The following ADGRB3 variants were observed in gnomAD, a reference collection of about 807,000 sequenced individuals.
The protein encoded by ADGRB3 is adhesion G protein-coupled receptor B3, also known as brain-specific angiogenesis inhibitor 3.
In ADGRB3, 37 loss-of-function variants were observed where a neutral mutation model predicts 193.4. The ratio of observed to expected loss-of-function variants is 0.19; its 90% confidence interval spans 0.15 to 0.25. The LOEUF (loss-of-function observed/expected upper bound fraction) is 0.25. Among genes scored for constraint, ADGRB3 ranks in the 10% least tolerant of loss-of-function variants. The pLI is 1.00. For missense variants in ADGRB3, 1,637 were observed against 1,852.9 expected, an observed-to-expected ratio of 0.88 and a Z score of 2.14; for synonymous variants, 690 against 644.2, an observed-to-expected ratio of 1.07 and a Z score of -1.08.
chr6:69,076,504 T>C (rs970410690), intron 17 of ADGRB3, among the ~76,000 whole-genome samples: 4 of 152,160 alleles, frequency 2.6e-5, no homozygotes, highest in Non-Finnish European at 4.4e-5. Context: ...AAACATTGAG[T>C]GACATTTAAT....
intron 17 of ADGRB3, among the ~76,000 whole-genome samples, chr6:69,079,170 A>T: frequency 6.6e-6 from 1 of 152,064 alleles, no homozygotes; most frequent in Non-Finnish European, 1.5e-5. Flanking sequence ...TTTTACTATC[A>T]TTAGACAAAA....
intron 3 of ADGRB3, among the ~76,000 whole-genome samples, chr6:68,691,632 G>T (rs182463772): frequency 7.3e-5 from 11 of 151,668 alleles, no homozygotes; most frequent in African/African-American, 2.7e-4. Flanking sequence ...TATGATTTAA[G>T]GATAATATAT....
chr6:69,387,893 C>T (rs531916648), intron 31 of ADGRB3, among the ~76,000 whole-genome samples: 1 of 152,094 alleles, frequency 6.6e-6, no homozygotes, highest in African/African-American at 2.4e-5. Flanking sequence ...ATAATATTCT[C>T]ACTAAACATG....
At chr6:68,674,850 T>C (rs1262308099) in intron 3 of ADGRB3, among the ~76,000 whole-genome samples, 1 of 152,212 alleles carries the variant, frequency 6.6e-6, no homozygotes, top group Non-Finnish European at 1.5e-5. Flanking sequence ...AAAATGTTTC[T>C]AGTTCCAAAT....
chr6:68,834,360 T>C (rs1768008747), intron 3 of ADGRB3, among the ~76,000 whole-genome samples: 1 of 152,080 alleles, frequency 6.6e-6, no homozygotes, highest in South Asian at 2.1e-4. Flanking sequence ...AACTTTATGG[T>C]CTCCTAAGTA....
chr6:68,815,229 G>C (rs536959789), intron 3 of ADGRB3, among the ~76,000 whole-genome samples: 13 of 152,026 alleles, frequency 8.6e-5, no homozygotes, highest in Non-Finnish European at 1.6e-4. Flanking sequence ...TGTTCAATGG[G>C]GAGTTTAAAT....
At chr6:68,716,288 A>C (rs1181447154) in intron 3 of ADGRB3, among the ~76,000 whole-genome samples, 1 of 151,490 alleles carries the variant, frequency 6.6e-6, no homozygotes, top group Non-Finnish European at 1.5e-5. Flanking sequence ...TTATGTGGAG[A>C]TTTATTTATT....
At chr6:69,100,874 A>G (rs57671744) in intron 17 of ADGRB3, among the ~76,000 whole-genome samples, 64 of 8,460 alleles carry the variant, frequency 7.6e-3, no homozygotes, top group Non-Finnish European at 7.8e-3. Flanking sequence ...AGGAAGGAAG[A>G]AGGAAGGGAG....
In ADGRB3 at chr6:69,005,840, A is replaced by G. The variant is rs556128919; in HGVS notation, c.1930-8198A>G. Among the ~76,000 whole-genome samples, 27 of 152,220 alleles carry G rather than the reference A, an allele frequency of 1.8e-4. No individual in the cohort carries two copies. The South Asian group carries it at 5.6e-3, about 32-fold the overall frequency. ...TTGTCTTCCAGTTTTCCAGTGGCTC[A>G]GATTTTTGACTCTAGATCATATTCT... On this transcript the variant is annotated intron_variant, in intron 11 of 31. Transcript: ENST00000370598.
At chr6:68,756,002 C>CT (rs896118068) in intron 3 of ADGRB3, among the ~76,000 whole-genome samples, 6 of 152,072 alleles carry the variant, frequency 3.9e-5, no homozygotes, top group Non-Finnish European at 8.8e-5. Context: ...ATGCTTCTGC[C>CT]TTTTTCCAGG....
chr6:68,651,528 C>T (rs1037915141), intron 3 of ADGRB3, among the ~76,000 whole-genome samples: 6 of 152,144 alleles, frequency 3.9e-5, no homozygotes, highest in African/African-American at 1.2e-4. Context: ...CCTCTGGCCT[C>T]TGTGTTCTGA....
intron 3 of ADGRB3, among the ~76,000 whole-genome samples, chr6:68,703,721 C>CA (rs1443618523): frequency 2.0e-5 from 3 of 152,158 alleles, no homozygotes; most frequent in Admixed American, 2.0e-4. Flanking sequence ...CTCCCGGATT[C>CA]AAGCAATTCT....
chr6:69,028,574 GAA>G (rs960281990), intron 13 of ADGRB3, among the ~76,000 whole-genome samples: 1 of 151,814 alleles, frequency 6.6e-6, no homozygotes, highest in Non-Finnish European at 1.5e-5. Context: ...TAACTGCTGT[GAA>G]AAAAAGAGTA....
chr6:68,677,521 C>CTTTTTTTTTTTTTTTT (rs1002070733), intron 3 of ADGRB3, among the ~76,000 whole-genome samples: 19 of 120,306 alleles, frequency 1.6e-4, no homozygotes, highest in East Asian at 2.4e-4. Context: ...TTCTTTTTTT[C>CTTTTTTTTTTTTTTTT]TTTTTTTTTT....
At chr6:68,865,383 A>G (rs1765269138) in intron 3 of ADGRB3, among the ~76,000 whole-genome samples, 1 of 152,084 alleles carries the variant, frequency 6.6e-6, no homozygotes, top group Admixed American at 6.5e-5. Context: ...AAGGGAAGGG[A>G]AGGATCTGTC....
chr6:69,312,885 C>G (rs1393953474), intron 20 of ADGRB3, among the ~76,000 whole-genome samples: 1 of 151,680 alleles, frequency 6.6e-6, no homozygotes, highest in Non-Finnish European at 1.5e-5. Context: ...AGATAAATTA[C>G]TGTAACGGGT....
chr6:68,953,752 G>T (rs1456854428), intron 6 of ADGRB3, among the ~76,000 whole-genome samples: 1 of 152,170 alleles, frequency 6.6e-6, no homozygotes, highest in Non-Finnish European at 1.5e-5. Context: ...ACAGCTGGAT[G>T]CCTGTTAAAC....
chr6:68,966,422 C>T (rs1353283636), intron 8 of ADGRB3, among the ~76,000 whole-genome samples: 2 of 152,260 alleles, frequency 1.3e-5, no homozygotes, highest in Admixed American at 1.3e-4. Context: ...TACCCCTCCT[C>T]CTGCTGAATC....
intron 21 of ADGRB3, among the ~76,000 whole-genome samples, chr6:69,325,919 G>A (rs1255446827): frequency 2.0e-5 from 3 of 152,178 alleles, no homozygotes; most frequent in Non-Finnish European, 4.4e-5. Context: ...AAGTTGAAGA[G>A]TAGGCCAGAC....
Sources: gnomAD v4.1 joint callset for allele counts (sites outside exome capture counted in the v4.1 genomes callset) on GRCh38, gnomAD v4.1.1 for gene constraint, MANE v1.5 for transcripts, NCBI Gene and HGNC (gene_info 2026-07-23, HGNC 2026-07-21) for gene names.